MDGA2: variants seen among roughly 807,000 people sequenced by gnomAD.
MDGA2 encodes MAM domain containing glycosylphosphatidylinositol anchor 2.
In MDGA2, 40 loss-of-function variants were observed where a neutral mutation model predicts 117.8. The ratio of observed to expected loss-of-function variants is 0.34; its 90% CI spans 0.26 to 0.44. The LOEUF (loss-of-function observed/expected upper bound fraction) is 0.44. MDGA2 is among the 20% of genes least tolerant of loss of function. The pLI is 1.00. For missense variants in MDGA2, 1,123 were observed against 1,250.6 expected, an observed-to-expected ratio of 0.90 and a Z score of 1.54; for synonymous variants, 452 against 439.0, an observed-to-expected ratio of 1.03 and a Z score of -0.37.
At chr14:47,000,976 GA>G (rs1246169674) in intron 8 of MDGA2, among the ~76,000 whole-genome samples, 1 of 151,782 alleles carries the variant, frequency 6.6e-6, no homozygotes, top group African/African-American at 2.4e-5. Context: ...TTTTAGGTGA[GA>G]AAAAAATACT....
At chr14:46,866,048 G>C (rs1372315600) in intron 14 of MDGA2, among the ~76,000 whole-genome samples, 2 of 151,108 alleles carry the variant, frequency 1.3e-5, no homozygotes. Flanking sequence ...CTACTTTAAA[G>C]TTCATATGGA....
intron 8 of MDGA2, among the ~76,000 whole-genome samples, chr14:46,961,565 GTA>G (rs377207576): frequency 1.9e-4 from 29 of 151,140 alleles, no homozygotes; most frequent in African/African-American, 6.1e-4. Context: ...CCACTTTTTT[GTA>G]TGTTTCCACT....
chr14:47,165,868 G>A (rs1274659439), intron 3 of MDGA2, among the ~76,000 whole-genome samples: 3 of 151,984 alleles, frequency 2.0e-5, no homozygotes, highest in African/African-American at 4.8e-5. Flanking sequence ...CTTACATACC[G>A]ATAGGCAGAA....
At chr14:47,494,770 T>G (rs1005762802) in intron 1 of MDGA2, among the ~76,000 whole-genome samples, 1 of 151,874 alleles carries the variant, frequency 6.6e-6, no homozygotes, top group African/African-American at 2.4e-5. Flanking sequence ...GCACCATTTA[T>G]TGAATAGGGT....
chr14:46,854,097 G>A (rs1881168649), intron 15 of MDGA2, among the ~76,000 whole-genome samples: 1 of 151,622 alleles, frequency 6.6e-6, no homozygotes, highest in African/African-American at 2.4e-5. Context: ...AAAGCAATTA[G>A]AATTTATAGA....
intron 1 of MDGA2, among the ~76,000 whole-genome samples, chr14:47,526,788 G>A (rs559128423): frequency 6.6e-6 from 1 of 152,272 alleles, no homozygotes; most frequent in African/African-American, 2.4e-5. Context: ...CAAGTCTGTT[G>A]TAAGCGTCTG....
intron 7 of MDGA2, chr14:47,059,159 A>T (rs534433455): frequency 1.2e-6 from 1 of 821,940 alleles, no homozygotes; most frequent in South Asian, 1.9e-5. Context: ...TGCATAAATT[A>T]GTCATTTTGT....
At chr14:47,396,887 G>A (rs958495677) in intron 1 of MDGA2, among the ~76,000 whole-genome samples, 2 of 152,110 alleles carry the variant, frequency 1.3e-5, no homozygotes, top group African/African-American at 2.4e-5. Context: ...ACTGTTGGGA[G>A]TGTTAATTAG....
At chr14:47,665,948 G>A (rs751695155) in intron 1 of MDGA2, among the ~76,000 whole-genome samples, 33 of 151,648 alleles carry the variant, frequency 2.2e-4, no homozygotes, top group Non-Finnish European at 3.4e-4. Flanking sequence ...GAGTGCGGGC[G>A]CACCACACAG....
intron 5 of MDGA2, among the ~76,000 whole-genome samples, chr14:47,120,184 A>G (rs1207749354): frequency 6.6e-6 from 1 of 152,158 alleles, no homozygotes; most frequent in African/African-American, 2.4e-5. Context: ...GTAAAAACGT[A>G]AAGAGTAGCT....
At chr14:47,092,566 CCTGT>C (rs1048357553) in intron 6 of MDGA2, among the ~76,000 whole-genome samples, 19 of 152,102 alleles carry the variant, frequency 1.2e-4, no homozygotes, top group African/African-American at 4.6e-4. Context: ...GAAAGGAGAA[CCTGT>C]CTGTTTCATC....
chr14:47,079,653 G>A (rs1009438680), intron 6 of MDGA2, among the ~76,000 whole-genome samples: 30 of 147,346 alleles, frequency 2.0e-4, no homozygotes, highest in African/African-American at 7.5e-4. Context: ...GTAATAAGTA[G>A]TTTTAGGCTG....
At chr14:47,602,627 C>T (rs577964479) in intron 1 of MDGA2, among the ~76,000 whole-genome samples, 3 of 152,076 alleles carry the variant, frequency 2.0e-5, no homozygotes, top group East Asian at 3.9e-4. Flanking sequence ...TTTCTTTTTG[C>T]CCCCTTGGAG....
intron 3 of MDGA2, among the ~76,000 whole-genome samples, chr14:47,187,565 T>C (rs1420902977): frequency 6.6e-6 from 1 of 152,112 alleles, no homozygotes; most frequent in African/African-American, 2.4e-5. Context: ...AGTTCATTCA[T>C]TTTCACTGTG....
chr14:47,135,007 C>T (rs891151325), intron 4 of MDGA2, among the ~76,000 whole-genome samples: 4 of 151,786 alleles, frequency 2.6e-5, no homozygotes, highest in African/African-American at 9.7e-5. Context: ...TTTCTGTTTC[C>T]ACTGACAAAT....
intron 1 of MDGA2, among the ~76,000 whole-genome samples, chr14:47,565,087 C>G (rs1236716711): frequency 6.6e-6 from 1 of 151,932 alleles, no homozygotes; most frequent in East Asian, 1.9e-4. Context: ...TTGCTCCTAT[C>G]TGTATTCTGA....
intron 5 of MDGA2, among the ~76,000 whole-genome samples, chr14:47,124,060 A>C (rs1205568066): frequency 6.6e-6 from 1 of 152,090 alleles, no homozygotes; most frequent in African/African-American, 2.4e-5. Flanking sequence ...CTGTAGTAGT[A>C]AACACTGTTG....
At chr14:47,238,463 G>A (rs1451962989) in intron 2 of MDGA2, among the ~76,000 whole-genome samples, 3 of 151,366 alleles carry the variant, frequency 2.0e-5, no homozygotes, top group African/African-American at 4.9e-5. Context: ...AAATTATCTC[G>A]GTAATGCCCC....
rs191480560 is a variant in MDGA2 at position 47,034,308 on chromosome 14, C to T, written c.1819+703G>A. On this transcript the variant is annotated intron_variant, in intron 8 of 16. Coordinates refer to ENST00000399232, the MANE Select transcript of MDGA2 (RefSeq NM_001113498.3). ...TCAAATGTAAAGTCCATAATATCTACATTTTTAATTAGAACTATAACCGTG... is the reference window on the plus strand; with the variant it reads ...TCAAATGTAAAGTCCATAATATCTATATTTTTAATTAGAACTATAACCGTG... 2.6e-5 allele frequency among the ~76,000 whole-genome samples: 4 copies of T among 152,154 alleles called. No individual in the cohort carries two copies. The East Asian group carries it at 5.8e-4, about 22-fold the overall frequency.
Sources: allele counts gnomAD v4.1 joint callset (sites outside exome capture counted in the v4.1 genomes callset), GRCh38; gene constraint gnomAD v4.1.1; transcripts MANE v1.5; gene names NCBI Gene and HGNC (gene_info 2026-07-23, HGNC 2026-07-21).